Variants in FMN2 observed in about 807,000 individuals in gnomAD.
The protein encoded by FMN2 is formin-2.
Under a neutral mutation model 142.3 loss-of-function variants are expected in FMN2, and 51 were observed. The ratio of observed to expected loss-of-function variants is 0.36; its 90% confidence interval spans 0.29 to 0.45. The LOEUF (loss-of-function observed/expected upper bound fraction) is 0.45, where lower values mean the gene tolerates loss of function less well. Among genes scored for constraint, FMN2 ranks in the 20% least tolerant of loss-of-function variants. FMN2 has a pLI of 1.00. For synonymous variants in FMN2, 882 were observed against 869.8 expected (o/e 1.01, Z -0.25); for missense variants, 1,936 against 2,122.8 (o/e 0.91, Z 1.73).
chr1:240,390,018 G>A (rs1673552430), intron 14 of FMN2, among the ~76,000 whole-genome samples: 1 of 152,096 alleles, frequency 6.6e-6, no homozygotes, highest in Non-Finnish European at 1.5e-5. Flanking sequence ...TTGGAAAAAG[G>A]GTATCTCTGT....
At chr1:240,347,030 AG>A (rs1671930888) in intron 13 of FMN2, among the ~76,000 whole-genome samples, 1 of 152,246 alleles carries the variant, frequency 6.6e-6, no homozygotes, top group Non-Finnish European at 1.5e-5. Flanking sequence ...AATAATTTCC[AG>A]TGTCAGAAAG....
rs557229819 is a variant in FMN2 at position 240,411,845 on chromosome 1, A to G, written c.4910+19283A>G. ...TAGCATTTCTAAAATTGAAATGAGG[A>G]TAAAATGAGAAGTTTGAGATGGGTA... On this transcript the variant is annotated intron_variant, in intron 15 of 17. Transcript: ENST00000319653. Among the ~76,000 whole-genome samples, 8 of 152,278 alleles carry G rather than the reference A, an allele frequency of 5.3e-5. No homozygotes were observed. The South Asian group carries it at 1.7e-3, about 32-fold the overall frequency.
At chr1:240,193,420 C>A (rs1665790972) in intron 4 of FMN2, among the ~76,000 whole-genome samples, 1 of 152,160 alleles carries the variant, frequency 6.6e-6, no homozygotes, top group South Asian at 2.1e-4. Flanking sequence ...CCAAGATAAA[C>A]TTAACAAAAA....
intron 15 of FMN2, among the ~76,000 whole-genome samples, chr1:240,413,498 A>G (rs951157230): frequency 6.6e-6 from 1 of 152,304 alleles, no homozygotes; most frequent in Non-Finnish European, 1.5e-5. Flanking sequence ...CCTCTGAGAT[A>G]TGTTGGCCTT....
intron 5 of FMN2, 137 bp from the exon 6 acceptor site, chr1:240,210,954 T>A: frequency 1.5e-6 from 1 of 681,606 alleles, no homozygotes; most frequent in Non-Finnish European, 2.3e-6. Flanking sequence ...AGAATATTTT[T>A]TCCTTCTTAT....
chr1:240,235,143 C>A (rs996894238), intron 6 of FMN2, among the ~76,000 whole-genome samples: 6 of 152,030 alleles, frequency 3.9e-5, no homozygotes, highest in Non-Finnish European at 7.4e-5. Flanking sequence ...AGTTTTTTGG[C>A]TTCTAATTCA....
intron 2 of FMN2, among the ~76,000 whole-genome samples, chr1:240,166,630 A>G (rs1011884123): frequency 1.3e-5 from 2 of 152,216 alleles, no homozygotes; most frequent in African/African-American, 2.4e-5. Context: ...TGTGATTTTA[A>G]TAGCTCTTGA....
chr1:240,246,724 C>T (rs541794030), intron 6 of FMN2, among the ~76,000 whole-genome samples: 3 of 152,182 alleles, frequency 2.0e-5, no homozygotes, highest in East Asian at 1.9e-4. Flanking sequence ...TTACAGAGAC[C>T]GTGTTCATAA....
chr1:240,400,029 A>G (rs774558410), intron 15 of FMN2, among the ~76,000 whole-genome samples: 2 of 152,178 alleles, frequency 1.3e-5, no homozygotes, highest in Non-Finnish European at 2.9e-5. Flanking sequence ...CGTCTGAAAG[A>G]ATAGAGGTCT....
At chr1:240,226,085 A>G (rs1667287838) in intron 6 of FMN2, among the ~76,000 whole-genome samples, 1 of 152,182 alleles carries the variant, frequency 6.6e-6, no homozygotes, top group African/African-American at 2.4e-5. Context: ...GTGTATGTGA[A>G]CTATATCCAA....
At chr1:240,421,536 C>A (rs1008949021) in intron 15 of FMN2, among the ~76,000 whole-genome samples, 2 of 152,092 alleles carry the variant, frequency 1.3e-5, no homozygotes, top group Non-Finnish European at 2.9e-5. Context: ...TTTTCCAACA[C>A]CGTTTGTTGA....
chr1:240,126,151 A>T (rs1337643125), intron 2 of FMN2, among the ~76,000 whole-genome samples: 1 of 152,220 alleles, frequency 6.6e-6, no homozygotes, highest in African/African-American at 2.4e-5. Flanking sequence ...CGATATAATG[A>T]TACAGGGGGT....
At chr1:240,310,789 G>A (rs913075699) in intron 8 of FMN2, among the ~76,000 whole-genome samples, 1 of 152,072 alleles carries the variant, frequency 6.6e-6, no homozygotes, top group African/African-American at 2.4e-5. Context: ...GAGCAGATGA[G>A]GAAAATTACT....
At chr1:240,439,299 G>GAAAGAA (rs1675522718) in intron 16 of FMN2, among the ~76,000 whole-genome samples, 1 of 145,390 alleles carries the variant, frequency 6.9e-6, no homozygotes, top group Non-Finnish European at 1.5e-5. Context: ...AAGAAAGAAA[G>GAAAGAA]AAAGAGTTAC....
rs199768391 is a variant in FMN2, at chr1:240,232,080, A to AT, written c.4065+20853dup. ...TCATTCTTTTTCTTTTTCTTTTTTA[A>AT]TTTTTTTTGAGATGGAGTCTTGCTC... is the stretch of plus-strand genomic sequence containing the variant. On this transcript the variant is annotated intron_variant, in intron 6 of 17. Coordinates refer to ENST00000319653, the MANE Select transcript of FMN2 (RefSeq NM_020066.5). Among the ~76,000 whole-genome samples, 1,360 of 150,322 alleles carry AT rather than the reference A, an allele frequency of 9.0e-3. 26 individuals are homozygous for AT. The highest frequency in any genetic ancestry group is 0.031 in the African/African-American group (1,287 of 40,910).
chr1:240,426,215 C>T (rs1341565934), intron 15 of FMN2, among the ~76,000 whole-genome samples: 2 of 151,652 alleles, frequency 1.3e-5, no homozygotes, highest in African/African-American at 4.9e-5. Context: ...TCTTTATGTG[C>T]ACAATTCCCA....
intron 8 of FMN2, among the ~76,000 whole-genome samples, chr1:240,321,685 C>A (rs956440757): frequency 2.6e-5 from 4 of 152,172 alleles, no homozygotes; most frequent in Admixed American, 6.6e-5. Context: ...AAGCTAGATT[C>A]TTTTCCTATA....
chr1:240,311,733 C>T (rs192275396), intron 8 of FMN2, among the ~76,000 whole-genome samples: 2 of 152,174 alleles, frequency 1.3e-5, no homozygotes, highest in African/African-American at 2.4e-5. Flanking sequence ...GCATAAATTC[C>T]TGGAAAATGA....
intron 4 of FMN2, among the ~76,000 whole-genome samples, chr1:240,205,113 G>C (rs1044245065): frequency 6.6e-6 from 1 of 152,010 alleles, no homozygotes; most frequent in Non-Finnish European, 1.5e-5. Flanking sequence ...GGTAAGAAGC[G>C]TGTGCATGTG....
Sources: allele counts gnomAD v4.1 joint callset (sites outside exome capture counted in the v4.1 genomes callset), GRCh38; gene constraint gnomAD v4.1.1; transcripts MANE v1.5; gene names NCBI Gene and HGNC (gene_info 2026-07-23, HGNC 2026-07-21).